Variants in RAB11B observed in about 807,000 individuals in gnomAD.
RAB11B encodes ras-related protein Rab-11B.
A neutral mutation model predicts 23.7 loss-of-function variants in RAB11B; 7 were observed. That is an observed-to-expected ratio of 0.29 (90% CI 0.17 to 0.55). RAB11B has a LOEUF of 0.55. Among genes scored for constraint, RAB11B ranks in the 20% least tolerant of loss-of-function variants. The probability of loss-of-function intolerance (pLI) is 0.93; values close to 1 mark genes in which losing one functional copy is unlikely to be tolerated. For missense variants in RAB11B, 189 were observed against 320.0 expected (o/e 0.59, Z 3.12); for synonymous variants, 138 against 132.0 (o/e 1.05, Z -0.31).
chr19:8,396,040 TC>T lies in RAB11B; in HGVS notation c.41-3819del, dbSNP rs929701213. 6.6e-6 allele frequency among the ~76,000 whole-genome samples: 1 copy of T among 152,200 alleles called. No individual in the cohort carries two copies. On this transcript the variant is annotated intron_variant, in intron 1 of 4. Coordinates refer to ENST00000328024, the MANE Select transcript of RAB11B (RefSeq NM_004218.4). This position sits in a 1 kb window ranked among gnomAD's most constrained non-coding sequence, Gnocchi z 5.0. ...GGTCCTGCTCTGCCCCGCACCCCGTTCCCCATCCAAGCCTCAGTTTCCTCAT... is the reference window on the plus strand; with the variant it reads ...GGTCCTGCTCTGCCCCGCACCCCGTTCCCATCCAAGCCTCAGTTTCCTCAT...
At chr19:8,399,177 TCTC>T (rs1455345458) in intron 1 of RAB11B, among the ~76,000 whole-genome samples, 2 of 151,864 alleles carry the variant, frequency 1.3e-5, no homozygotes, top group Admixed American at 6.6e-5. Flanking sequence ...ATGGTCTCGA[TCTC>T]CTGACCTCGT....
chr19:8,390,616 A>G (rs1971340608), intron 1 of RAB11B, 160 bp downstream of exon 1: 4 of 728,700 alleles, frequency 5.5e-6, no homozygotes, highest in Non-Finnish European at 7.8e-6. Flanking sequence ...GGGCAGCATC[A>G]GCTTCGGGCT....
intron 1 of RAB11B, chr19:8,390,818 T>TG (rs894097037): frequency 1.4e-4 from 3 of 20,776 alleles, no homozygotes; most frequent in East Asian, 8.7e-4. Context: ...TGATTCGGGA[T>TG]GGGGGCGGGG....
Position 8,399,852 on chromosome 19 carries a change from T to C in RAB11B, c.41-11T>C, listed in dbSNP as rs1428902246. ...GTGTGGGGATTCACAGAACCTCGCC[T>C]TCCCGCCCAGTGGTGCTCATCGGGG... is the stretch of plus-strand genomic sequence containing the variant. On this transcript the variant is annotated splice_polypyrimidine_tract_variant and intron_variant, in intron 1 of 4. Transcript: ENST00000328024. 3 of 1,609,374 alleles carry C rather than the reference T, an allele frequency of 1.9e-6. No individual in the cohort carries two copies. Among genetic ancestry groups the C allele is most frequent in the Non-Finnish European group, 2.6e-6 (3 of 1,176,118 alleles).
At chr19:8,390,668 G>C in intron 1 of RAB11B, 1 of 463,856 alleles carries the variant, frequency 2.2e-6, no homozygotes, top group Non-Finnish European at 3.5e-6. Flanking sequence ...GGAGAGACCT[G>C]GGGGACCTAG....
intron 1 of RAB11B, among the ~76,000 whole-genome samples, chr19:8,393,685 G>C (rs1971375445): frequency 6.6e-6 from 1 of 152,162 alleles, no homozygotes; most frequent in Non-Finnish European, 1.5e-5. Context: ...GGCCCCCAGT[G>C]CCGGTCCCTG....
At chr19:8,402,963 T>C (rs1293265772) in intron 4 of RAB11B, 2 of 371,496 alleles carry the variant, frequency 5.4e-6, no homozygotes, top group Non-Finnish European at 9.7e-6. Context: ...GCACCTGGCC[T>C]GTTTGATTTT....
At chr19:8,401,795 T>A (rs1971439518) in intron 2 of RAB11B, among the ~76,000 whole-genome samples, 2 of 152,208 alleles carry the variant, frequency 1.3e-5, no homozygotes, top group African/African-American at 4.8e-5. Flanking sequence ...GTGCTGGGAT[T>A]ACAGGCATGA....
At chr19:8,391,911 G>C (rs1288306054) in intron 1 of RAB11B, among the ~76,000 whole-genome samples, 1 of 152,042 alleles carries the variant, frequency 6.6e-6, no homozygotes, top group Non-Finnish European at 1.5e-5. Context: ...GTGGCACTGA[G>C]GGCTCTGGCA....
chr19:8,390,635 C>A, intron 1 of RAB11B, 179 bp downstream of exon 1: 1 of 600,832 alleles, frequency 1.7e-6, no homozygotes, highest in Non-Finnish European at 2.5e-6. Context: ...CTAGGATGCG[C>A]GGCTATACGG....
At chr19:8,402,428 A>G (rs1237037381) in intron 3 of RAB11B, 57 bp from the exon 4 acceptor site, 8 of 1,576,780 alleles carry the variant, frequency 5.1e-6, no homozygotes, top group Non-Finnish European at 7.0e-6. Context: ...CCCTGAGAGC[A>G]TGTGGGAGCC....
intron 2 of RAB11B, among the ~76,000 whole-genome samples, chr19:8,401,141 C>T (rs901051591): frequency 1.3e-5 from 2 of 152,118 alleles, no homozygotes; most frequent in African/African-American, 2.4e-5. Context: ...AGTGCAGTGG[C>T]GCAGTCTCAG....
chr19:8,391,480 C>T lies in RAB11B; in HGVS notation c.40+1024C>T, dbSNP rs553460319. ...AGCATCACATAAGGCCTAGGTAGAT[C>T]AGGCAGCCATTGCCCATTTAGGGAC... On this transcript the variant is annotated intron_variant, in intron 1 of 4. Transcript: ENST00000328024. Among the ~76,000 whole-genome samples the T allele has an allele frequency of 7.2e-5, 11 of 152,332 alleles. No homozygotes were observed. The East Asian group carries it at 1.9e-3, about 27-fold the overall frequency.
chr19:8,404,151 C>CTCAAGGT lies in RAB11B; in HGVS notation c.*593_*594insTCAAGGT, dbSNP rs1971462172. 2.0e-5 allele frequency: 3 copies of CTCAAGGT among 151,798 alleles called. No individual in the cohort carries two copies. The highest frequency in any genetic ancestry group is 4.4e-5 in the Non-Finnish European group (3 of 67,974). The allele number at this position is 151,798 out of a possible 1,614,324, so 9.4% of individuals were successfully genotyped here. A position where few individuals can be genotyped will look rare whatever the true frequency, so the allele number is the denominator to read the frequency against. On this transcript the variant is annotated 3_prime_UTR_variant, in exon 5 of 5. Coordinates refer to ENST00000328024, the MANE Select transcript of RAB11B (RefSeq NM_004218.4). ...CCCCTCCCCTCTCCTGCACGCAACG[C>CTCAAGGT]GCCCTCTCGGCCCTCCCTGTCCCCC...
Position 8,396,627 on chromosome 19 carries a change from C to G in RAB11B, c.41-3236C>G, listed in dbSNP as rs746599319. Among the ~76,000 whole-genome samples, 1 of 150,096 alleles carries G rather than the reference C, an allele frequency of 6.7e-6. No homozygotes were observed. The highest frequency in any genetic ancestry group is 1.5e-5 in the Non-Finnish European group (1 of 67,664). ...AGCGTTTCTGGCAGCAGGAGCAACC[C>G]GTGCAAAGGCCCTGAGGCAGGATCG... On this transcript the variant is annotated intron_variant, in intron 1 of 4. Coordinates refer to ENST00000328024, the MANE Select transcript of RAB11B (RefSeq NM_004218.4). The surrounding 1 kb of genome is among the most constrained non-coding windows in gnomAD (Gnocchi z 5.0).
intron 2 of RAB11B, among the ~76,000 whole-genome samples, chr19:8,400,847 A>C (rs528102613): frequency 1.3e-5 from 2 of 151,728 alleles, no homozygotes; most frequent in East Asian, 3.9e-4. Flanking sequence ...GGCTTCCCAA[A>C]GTGCTGAGAT....
chr19:8,393,391 C>T (rs534445836), intron 1 of RAB11B, among the ~76,000 whole-genome samples: 86 of 152,292 alleles, frequency 5.6e-4, no homozygotes, highest in South Asian at 3.3e-3. Flanking sequence ...GGGAAACGGG[C>T]CGCAGCTGCC....
chr19:8,399,008 G>A (rs541722274), intron 1 of RAB11B, among the ~76,000 whole-genome samples: 16 of 150,804 alleles, frequency 1.1e-4, no homozygotes, highest in African/African-American at 3.2e-4. Flanking sequence ...GCTGGAGTAC[G>A]GTGGCGTGAT....
Position 8,396,101 on chromosome 19 carries a change from T to C in RAB11B, c.41-3762T>C, listed in dbSNP as rs528697634. Among the ~76,000 whole-genome samples the C allele has an allele frequency of 1.3e-5, 2 of 152,336 alleles. No individual in the cohort carries two copies. Among genetic ancestry groups the C allele is most frequent in the South Asian group, 4.1e-4 (2 of 4,824 alleles). On this transcript the variant is annotated intron_variant, in intron 1 of 4. Transcript: ENST00000328024. The surrounding 1 kb of genome is among the most constrained non-coding windows in gnomAD (Gnocchi z 5.0). ...TGGGCTACAGGAGGCTTCTGCGAAG[T>C]AACGCACATCAAGAGCTTTGTTAGC... is the stretch of plus-strand genomic sequence containing the variant.
Sources: gnomAD v4.1 joint callset for allele counts (sites outside exome capture counted in the v4.1 genomes callset) on GRCh38, gnomAD v4.1.1 for gene constraint, Gnocchi (gnomAD v3.1) non-coding constraint, MANE v1.5 for transcripts, NCBI Gene and HGNC (gene_info 2026-07-23, HGNC 2026-07-21) for gene names.